The following N4BP2L2 variants were observed in gnomAD, a reference collection of about 807,000 sequenced individuals.
N4BP2L2 encodes the protein NEDD4-binding protein 2-like 2.
Under a neutral mutation model 56.2 loss-of-function variants are expected in N4BP2L2, and 50 were observed. The observed-to-expected ratio is 0.89, with a 90% confidence interval of 0.71 to 1.13. N4BP2L2 has a LOEUF of 1.13. Among genes scored for constraint, N4BP2L2 ranks in the 50% most tolerant of loss-of-function variants. The pLI is 0.00. For missense variants in N4BP2L2, 689 were observed against 693.8 expected (o/e 0.99, Z 0.08); for synonymous variants, 203 against 223.6 (o/e 0.91, Z 0.82).
downstream of N4BP2L2, chr13:32,507,113 T>C (rs1486111967): frequency 1.3e-5 from 2 of 152,150 alleles, no homozygotes; most frequent in African/African-American, 4.8e-5. Context: ...AGAATCCATT[T>C]GATGGATTGA....
At chr13:32,470,840 G>T (rs778809433) in intron 6 of N4BP2L2, among the ~76,000 whole-genome samples, 1 of 152,200 alleles carries the variant, frequency 6.6e-6, no homozygotes, top group Admixed American at 6.5e-5. Context: ...TGCAAGATAA[G>T]GCCATGGGGC....
exon 3 of N4BP2L2, chr13:32,527,452 T>C: frequency 6.2e-7 from 1 of 1,613,996 alleles, no homozygotes; most frequent in Non-Finnish European, 8.5e-7. Flanking sequence ...TTGATTAACA[T>C]TATACCTGTA....
chr13:32,515,028 C>T (rs1413989095), exon 6 of N4BP2L2: 1 of 152,536 alleles, frequency 6.6e-6, no homozygotes, highest in Non-Finnish European at 1.5e-5. Flanking sequence ...ATCCCAGCTA[C>T]TCGGGAGGCT....
At chr13:32,491,619 T>TTATA (rs71672003) in intron 6 of N4BP2L2, among the ~76,000 whole-genome samples, 6 of 138,396 alleles carry the variant, frequency 4.3e-5, no homozygotes, top group South Asian at 2.2e-4. Context: ...TATATGTATA[T>TTATA]TATATATATA....
At chr13:32,517,314 T>C in exon 6 of N4BP2L2, 1 of 987,208 alleles carries the variant, frequency 1.0e-6, no homozygotes, top group Non-Finnish European at 1.2e-6. Flanking sequence ...AATAATTTTG[T>C]CACACAGATC....
chr13:32,522,970 T>C (rs948382852), intron 3 of N4BP2L2: 4 of 152,230 alleles, frequency 2.6e-5, no homozygotes, highest in South Asian at 4.1e-4. Flanking sequence ...CTAAAAATCA[T>C]AGTTCAACTG....
chr13:32,521,465 G>T lies in N4BP2L2; in HGVS notation c.1474-16C>A. The T allele has an allele frequency of 6.4e-7, 1 of 1,571,624 alleles. No homozygotes were observed. The highest frequency in any genetic ancestry group is 8.6e-7 in the Non-Finnish European group (1 of 1,159,842). ...TTCCTATGGCCTACACAAAGGAAAGGAAGAAAACAAAAACCCAGAGAAGTA... is the reference window on the plus strand; with the variant it reads ...TTCCTATGGCCTACACAAAGGAAAGTAAGAAAACAAAAACCCAGAGAAGTA... On this transcript the variant is annotated splice_polypyrimidine_tract_variant and intron_variant, in intron 4 of 5. Coordinates refer to ENST00000267068, the Ensembl canonical transcript of N4BP2L2.
At chr13:32,513,110 C>T (rs538132333) in exon 6 of N4BP2L2, 9 of 152,018 alleles carry the variant, frequency 5.9e-5, no homozygotes, top group Non-Finnish European at 8.8e-5. Flanking sequence ...ACAAAAATTA[C>T]ACCACTCAAT....
chr13:32,438,643 CAT>C (rs751328602), intron 8 of N4BP2L2: 2 of 1,536,690 alleles, frequency 1.3e-6, no homozygotes, highest in Non-Finnish European at 9.0e-7. Flanking sequence ...CACACACACA[CAT>C]ATATACCTCC....
At chr13:32,455,505 G>A (rs1566049791) in intron 6 of N4BP2L2, among the ~76,000 whole-genome samples, 2 of 152,254 alleles carry the variant, frequency 1.3e-5, no homozygotes, top group South Asian at 2.1e-4. Context: ...CAGTAATCCC[G>A]CCCTCTTCAG....
In N4BP2L2 at chr13:32,501,602, CAGG is replaced by C. The variant is rs546721964; in HGVS notation, c.365+16252_365+16254del. On this transcript the variant is annotated intron_variant, in intron 6 of 9. Coordinates refer to the N4BP2L2 transcript ENST00000357505. ...GGCCGAGGCAGGCGGATCATGAGGT[CAGG>C]AGATCGAGACCATCCTGGCTAACAT... Among the ~76,000 whole-genome samples, 285 of 152,108 alleles carry C rather than the reference CAGG, an allele frequency of 1.9e-3. 3 individuals carry two copies. The South Asian group carries it at 0.021, about 11-fold the overall frequency.
At chr13:32,517,201 T>G in exon 6 of N4BP2L2, 1 of 985,578 alleles carries the variant, frequency 1.0e-6, no homozygotes, top group Non-Finnish European at 1.2e-6. Context: ...AAGATGAATA[T>G]GCATATTATG....
At position 32,454,994 on chromosome 13, in the gene N4BP2L2, C is replaced by A. The variant is rs962708510; in HGVS notation, c.366-10868G>T. 7.7e-4 allele frequency among the ~76,000 whole-genome samples: 117 copies of A among 152,310 alleles called. 1 individual carries two copies. Among genetic ancestry groups the A allele is most frequent in the Middle Eastern group, 3.4e-3 (1 of 294 alleles). ...TGGGCCAGGAGAAAACCCCTCGACC[C>A]TTGTAAGCCCTGAGACTACTGCAGG... is the stretch of plus-strand genomic sequence containing the variant. On this transcript the variant is annotated intron_variant, in intron 6 of 9. Transcript: ENST00000357505.
chr13:32,523,752 G>C (rs2051778380), intron 3 of N4BP2L2: 1 of 152,088 alleles, frequency 6.6e-6, no homozygotes, highest in Non-Finnish European at 1.5e-5. Context: ...CTCATAAGTG[G>C]GAGCTAAGCT....
chr13:32,432,504 G>A (rs1055940295), exon 10 of N4BP2L2: 1 of 152,170 alleles, frequency 6.6e-6, no homozygotes, highest in Non-Finnish European at 1.5e-5. Context: ...TAGCATGAAT[G>A]TATTTATAAC....
At chr13:32,439,372 C>T (rs1282901166) in intron 7 of N4BP2L2, among the ~76,000 whole-genome samples, 2 of 152,136 alleles carry the variant, frequency 1.3e-5, no homozygotes, top group African/African-American at 2.4e-5. Context: ...TTAACGGATG[C>T]TTGATCATTG....
downstream of N4BP2L2, chr13:32,505,372 T>A (rs538143722): frequency 3.3e-5 from 5 of 152,302 alleles, no homozygotes; most frequent in African/African-American, 1.2e-4. Flanking sequence ...AAGTCACATA[T>A]CCCTAATTGC....
intron 6 of N4BP2L2, among the ~76,000 whole-genome samples, chr13:32,489,250 C>T (rs76270825): frequency 0.057 from 8,734 of 152,120 alleles, 849 homozygotes; most frequent in African/African-American, 0.2. Flanking sequence ...AGAATAATTC[C>T]AATTTGAACT....
intron 6 of N4BP2L2, among the ~76,000 whole-genome samples, chr13:32,499,360 A>C (rs928248734): frequency 6.6e-6 from 1 of 152,358 alleles, no homozygotes; most frequent in South Asian, 2.1e-4. Flanking sequence ...TATGGCTTCC[A>C]TCTGTTACTT....
Sources: allele counts gnomAD v4.1 joint callset (sites outside exome capture counted in the v4.1 genomes callset), GRCh38; gene constraint gnomAD v4.1.1; transcripts MANE v1.5; gene names NCBI Gene and HGNC (gene_info 2026-07-23, HGNC 2026-07-21).